MAF: variants seen among roughly 807,000 people sequenced by gnomAD.
The protein encoded by MAF is MAF bZIP transcription factor.
MAF carries 10 observed loss-of-function variants against 22.0 expected under a neutral mutation model. That is an observed-to-expected ratio of 0.45 (90% CI 0.28 to 0.77). The LOEUF (loss-of-function observed/expected upper bound fraction) is 0.77. Among genes scored for constraint, MAF ranks in the 30% least tolerant of loss-of-function variants. The probability of loss-of-function intolerance (pLI) is 0.12; values close to 1 mark genes in which losing one functional copy is unlikely to be tolerated. For missense variants in MAF, 544 were observed against 548.4 expected (o/e 0.99, Z 0.08); for synonymous variants, 337 against 255.8 (o/e 1.32, Z -3.03).
chr16:79,439,257 C>CTTTTTT, the MAF span, among the ~76,000 whole-genome samples: 15 of 130,810 alleles, frequency 1.1e-4, 1 homozygote, highest in Non-Finnish European at 1.1e-4. Flanking sequence ...TAGGTACTTA[C>CTTTTTT]TTTTTTTTTT....
At chr16:79,514,452 A>G in the MAF span, among the ~76,000 whole-genome samples, 1 of 152,360 alleles carries the variant, frequency 6.6e-6, no homozygotes, top group South Asian at 2.1e-4. Flanking sequence ...TAGTATATAT[A>G]CATGATTCCA....
chr16:79,322,672 T>A, the MAF span, among the ~76,000 whole-genome samples: 1 of 151,870 alleles, frequency 6.6e-6, no homozygotes, highest in Non-Finnish European at 1.5e-5. Context: ...GACACACGGG[T>A]ACTGAGCTTG....
chr16:79,282,005 G>A, the MAF span, among the ~76,000 whole-genome samples: 1 of 151,974 alleles, frequency 6.6e-6, no homozygotes, highest in African/African-American at 2.4e-5. Flanking sequence ...GGGTCTTGAA[G>A]GTAAGAGTTA....
chr16:79,280,224 C>T, the MAF span, among the ~76,000 whole-genome samples: 1 of 152,218 alleles, frequency 6.6e-6, no homozygotes, highest in African/African-American at 2.4e-5. Flanking sequence ...GCAGAAGTCA[C>T]TCTATAATTG....
the MAF span, among the ~76,000 whole-genome samples, chr16:79,486,617 G>A: frequency 2.9e-3 from 437 of 152,290 alleles, 6 homozygotes; most frequent in African/African-American, 0.01. Context: ...CCCAAGTTAC[G>A]CAGCTATCTT....
At chr16:79,356,810 C>T in the MAF span, among the ~76,000 whole-genome samples, 1 of 152,132 alleles carries the variant, frequency 6.6e-6, no homozygotes, top group Non-Finnish European at 1.5e-5. Flanking sequence ...GCTCTTGGGC[C>T]CCATAAATGC....
chr16:79,502,358 G>A, the MAF span, among the ~76,000 whole-genome samples: 20 of 152,220 alleles, frequency 1.3e-4, 1 homozygote, highest in East Asian at 3.7e-3. Context: ...TAAGAACAAC[G>A]TGAAAAACAG....
downstream of MAF, among the ~76,000 whole-genome samples, chr16:79,583,411 T>C (rs111400786): frequency 0.063 from 9,599 of 152,256 alleles, 417 homozygotes; most frequent in Middle Eastern, 0.12. Flanking sequence ...GTGCTGTTTA[T>C]ACCAGTTCCA....
chr16:79,296,702 A>G, the MAF span, among the ~76,000 whole-genome samples: 1 of 151,454 alleles, frequency 6.6e-6, no homozygotes. Context: ...CACCTGCCCC[A>G]GGGTTAAGGG....
At chr16:79,413,792 C>A in the MAF span, among the ~76,000 whole-genome samples, 11 of 152,300 alleles carry the variant, frequency 7.2e-5, no homozygotes, top group South Asian at 2.1e-4. Context: ...GAAGAGGCAA[C>A]CCCTACTCTG....
At chr16:79,336,362 G>A in the MAF span, among the ~76,000 whole-genome samples, 1 of 152,196 alleles carries the variant, frequency 6.6e-6, no homozygotes, top group Non-Finnish European at 1.5e-5. Flanking sequence ...TAAGCAACTT[G>A]CCCAAGGTCA....
the MAF span, among the ~76,000 whole-genome samples, chr16:79,352,171 C>A: frequency 1.3e-5 from 2 of 152,066 alleles, no homozygotes; most frequent in Non-Finnish European, 2.9e-5. Context: ...GGAAGCCACA[C>A]CCTCAACTCA....
the MAF span, among the ~76,000 whole-genome samples, chr16:79,290,499 G>A: frequency 6.6e-6 from 1 of 152,080 alleles, no homozygotes; most frequent in Non-Finnish European, 1.5e-5. Flanking sequence ...TAACCACGGG[G>A]AACTGAGTTT....
chr16:79,222,823 C>G, the MAF span, among the ~76,000 whole-genome samples: 1 of 152,124 alleles, frequency 6.6e-6, no homozygotes, highest in Non-Finnish European at 1.5e-5. Flanking sequence ...AACTAACTAT[C>G]CTAAATATAT....
At chr16:79,553,502 C>A in the MAF span, among the ~76,000 whole-genome samples, 1 of 152,208 alleles carries the variant, frequency 6.6e-6, no homozygotes, top group Admixed American at 6.5e-5. Flanking sequence ...CAGAAAGCAC[C>A]TTTGTCAAAG....
chr16:79,470,359 C>A, the MAF span, among the ~76,000 whole-genome samples: 1 of 152,074 alleles, frequency 6.6e-6, no homozygotes, highest in Non-Finnish European at 1.5e-5. Flanking sequence ...GTTACTGAGC[C>A]CCCCCAGGGG....
chr16:79,305,496 T>C, the MAF span, among the ~76,000 whole-genome samples: 1 of 152,128 alleles, frequency 6.6e-6, no homozygotes, highest in African/African-American at 2.4e-5. Context: ...GCCCCTGGTA[T>C]TCTCTGTGGT....
At chr16:79,596,030 T>C (rs758694662) in intron 1 of MAF, 7 of 1,060,822 alleles carry the variant, frequency 6.6e-6, no homozygotes, top group African/African-American at 4.9e-5. Context: ...GAAGGAAAAA[T>C]AGTCAACTTT....
the MAF span, among the ~76,000 whole-genome samples, chr16:79,282,521 G>A: frequency 6.6e-6 from 1 of 152,150 alleles, no homozygotes; most frequent in Non-Finnish European, 1.5e-5. Context: ...AGTGACAGAA[G>A]TCCTGCAACT....
Sources: gnomAD v4.1 joint callset for allele counts (sites outside exome capture counted in the v4.1 genomes callset) on GRCh38, gnomAD v4.1.1 for gene constraint, MANE v1.5 for transcripts, NCBI Gene and HGNC (gene_info 2026-07-23, HGNC 2026-07-21) for gene names.